CARD8: variants seen among roughly 807,000 people sequenced by gnomAD.
CARD8 encodes the protein caspase recruitment domain family member 8.
In CARD8, 38 loss-of-function variants were observed where a neutral mutation model predicts 53.2. The ratio of observed to expected loss-of-function variants is 0.71; its 90% CI spans 0.55 to 0.94. The LOEUF (loss-of-function observed/expected upper bound fraction) is 0.94, where lower values mean the gene tolerates loss of function less well. Among genes scored for constraint, CARD8 ranks in the 40% least tolerant of loss-of-function variants. The probability of loss-of-function intolerance (pLI) is 0.00; values close to 1 mark genes in which losing one functional copy is unlikely to be tolerated. For synonymous variants in CARD8, 245 were observed against 244.9 expected, an observed-to-expected ratio of 1.00 and a Z score of 0.00; for missense variants, 561 against 655.5, an observed-to-expected ratio of 0.86 and a Z score of 1.57.
At chr19:48,232,330 C>T (rs1426825258) in intron 7 of CARD8, 123 bp downstream of exon 7, 14 of 891,374 alleles carry the variant, frequency 1.6e-5, no homozygotes, top group Non-Finnish European at 2.3e-5. Flanking sequence ...TGCACTGTGG[C>T]AAAGGTAAGG....
At chr19:48,214,733 T>C (rs1035695953) in intron 13 of CARD8, among the ~76,000 whole-genome samples, 2 of 149,626 alleles carry the variant, frequency 1.3e-5, no homozygotes, top group South Asian at 2.1e-4. Context: ...GTCTTCCAAG[T>C]GTACTTTCCT....
At chr19:48,217,325 C>T (rs2039536364) in intron 12 of CARD8, among the ~76,000 whole-genome samples, 1 of 152,170 alleles carries the variant, frequency 6.6e-6, no homozygotes, top group Admixed American at 6.5e-5. Flanking sequence ...TAAAATACAA[C>T]AGCAGCAACA....
At chr19:48,221,968 G>A (rs2040736594) in intron 10 of CARD8, 113 bp from the exon 11 acceptor site, 7 of 749,326 alleles carry the variant, frequency 9.3e-6, no homozygotes, top group East Asian at 2.8e-5. Context: ...TGATTCAATT[G>A]ATATAAAGAT....
chr19:48,231,798 G>A lies in CARD8; in HGVS notation c.404C>T (p.Ser135Leu), dbSNP rs1415988567. ...SEGQDSGDIC[S>L]EENQIVSSYA... Reference sequence around the variant, plus strand: ...AGAGGAAACTATTTGATTCTCTTCTGAGCAAATGTCTCCTGAAAAGAAAAT... The same window carrying A: ...AGAGGAAACTATTTGATTCTCTTCTAAGCAAATGTCTCCTGAAAAGAAAAT... Residue 135 changes from serine to leucine, a missense_variant, in exon 8 of 14, where the codon TCA becomes TTA. Physicochemically the swap from Ser to Leu is moderately radical, Grantham distance 145 (BLOSUM62 -2). Coordinates refer to ENST00000651546, the MANE Select transcript of CARD8 (RefSeq NM_001184900.3). The A allele has an allele frequency of 6.2e-7, 1 of 1,613,700 alleles. No homozygotes were observed. Among genetic ancestry groups the A allele is most frequent in the African/African-American group, 1.3e-5 (1 of 74,890 alleles).
downstream of CARD8, among the ~76,000 whole-genome samples, chr19:48,207,734 G>GTTTTTTTTTTTTTTTTTTTT (rs758903014): frequency 2.1e-4 from 25 of 116,530 alleles, 1 homozygote; most frequent in African/African-American, 7.7e-4. Context: ...TTGTTTTTCT[G>GTTTTTTTTTTTTTTTTTTTT]TTTTTTTTTT....
chr19:48,255,879 T>G lies in CARD8; in HGVS notation c.-339A>C, dbSNP rs12984829. On this transcript the variant is annotated 5_prime_UTR_variant, in exon 1 of 14. Coordinates refer to ENST00000651546, the MANE Select transcript of CARD8 (RefSeq NM_001184900.3). ...AATCCCCTTAGGTCGGTTTCTCTGG[T>G]TCTCAACTTCTTTTGAAATAACGCT... 0.044 allele frequency: 6,624 copies of G among 152,214 alleles called. 256 individuals are homozygous for G. Among genetic ancestry groups the G allele is most frequent in the African/African-American group, 0.1 (4,145 of 41,486 alleles). 9.4% of individuals were successfully genotyped at this position (152,214 alleles called of 1,614,324 possible). A position where few individuals can be genotyped will look rare whatever the true frequency, so the allele number is the denominator to read the frequency against.
chr19:48,214,785 T>C (rs1374782632), intron 13 of CARD8, among the ~76,000 whole-genome samples: 8 of 122,834 alleles, frequency 6.5e-5, no homozygotes, highest in Admixed American at 8.4e-5. Context: ...TTTTTTTTTT[T>C]TTTTTTTTTT....
chr19:48,234,299 C>T lies in CARD8; in HGVS notation c.350+104G>A, dbSNP rs73944113. 0.01 allele frequency: 11,876 copies of T among 1,178,072 alleles called. 622 individuals carry two copies. The African/African-American group carries it at 0.13, about 13-fold the overall frequency. The allele number at this position is 1,178,072 out of a possible 1,614,324, so 73.0% of individuals were successfully genotyped here. On this transcript the variant is annotated intron_variant, in intron 6 of 13. Coordinates refer to ENST00000651546, the MANE Select transcript of CARD8 (RefSeq NM_001184900.3). ...GTATTGCATAAGCTCATTCATTCTC[C>T]CCTGAGTTCGATGAAAAACACCCAA...
chr19:48,226,067 A>G (rs1295523327), intron 10 of CARD8, among the ~76,000 whole-genome samples: 1 of 151,774 alleles, frequency 6.6e-6, no homozygotes, highest in African/African-American at 2.4e-5. Flanking sequence ...AAAAAAAAAA[A>G]AAAAAGCCAT....
Position 48,230,647 on chromosome 19 carries a change from T to TC in CARD8, c.825dup (p.Met276AspfsTer56). On this transcript the variant is annotated frameshift_variant, in exon 10 of 14. Transcript: ENST00000651546. LOFTEE classifies it high-confidence loss of function. The stretch of plus-strand genomic sequence containing the variant: ...ACCCGGGCTGGATGCTCCAGGACCA[T>TC]CCCTTCATTCTTAAAATGGGCAACG... 1 of 1,613,960 alleles carries TC rather than the reference T, an allele frequency of 6.2e-7. No homozygotes were observed. The highest frequency in any genetic ancestry group is 2.2e-5 in the East Asian group (1 of 44,860).
chr19:48,217,487 C>T lies in CARD8; in HGVS notation c.1303+1384G>A, dbSNP rs78741417. The stretch of plus-strand genomic sequence containing the variant: ...AATAATATCACTGCATACAACTTAT[C>T]TTCATATGGGTGCTTTTATGTTATA... On this transcript the variant is annotated intron_variant, in intron 12 of 13. Coordinates refer to ENST00000651546, the MANE Select transcript of CARD8 (RefSeq NM_001184900.3). Among the ~76,000 whole-genome samples, 1,430 of 152,278 alleles carry T rather than the reference C, an allele frequency of 9.4e-3. 23 individuals are homozygous for T. Among genetic ancestry groups the T allele is most frequent in the African/African-American group, 0.032 (1,349 of 41,548 alleles).
rs900959031 is a variant in CARD8, at chr19:48,236,376, T to G, written c.210-1833A>C. 1.1e-4 allele frequency among the ~76,000 whole-genome samples: 17 copies of G among 152,040 alleles called. 1 individual carries two copies. The highest frequency in any genetic ancestry group is 9.7e-4 in the East Asian group (5 of 5,152). On this transcript the variant is annotated intron_variant, in intron 5 of 13. Coordinates refer to ENST00000651546, the MANE Select transcript of CARD8 (RefSeq NM_001184900.3). ...TACAGGCATGCACCAGCACACCCGG[T>G]TAATTTTTTATATTTTTGGTAGAGA...
intron 1 of CARD8, among the ~76,000 whole-genome samples, chr19:48,250,055 T>C (rs1313326643): frequency 6.6e-6 from 1 of 152,218 alleles, no homozygotes; most frequent in Non-Finnish European, 1.5e-5. Context: ...TTTATACCAA[T>C]GTTTGTGTTG....
intron 12 of CARD8, among the ~76,000 whole-genome samples, chr19:48,218,644 G>A (rs775376916): frequency 1.3e-5 from 2 of 152,030 alleles, no homozygotes; most frequent in Non-Finnish European, 2.9e-5. Context: ...ATGAGGCACC[G>A]TATCTGGCCT....
rs368966077 is a variant in CARD8, at chr19:48,234,356, T to C, written c.350+47A>G. The C allele has an allele frequency of 8.0e-5, 126 of 1,566,168 alleles. No homozygotes were observed. The South Asian group carries it at 9.1e-4, about 11-fold the overall frequency. ...CTAATTCTCATGTTCCTCTGTGATA[T>C]TGAGACACAGCGTCCAATAGTTTTC... On this transcript the variant is annotated intron_variant, in intron 6 of 13. Transcript: ENST00000651546.
At chr19:48,234,946 G>A (rs73575112) in intron 5 of CARD8, among the ~76,000 whole-genome samples, 5,766 of 152,206 alleles carry the variant, frequency 0.038, 356 homozygotes, top group African/African-American at 0.12. Flanking sequence ...ATTGGTGCCC[G>A]AGAGAATAGG....
intron 12 of CARD8, 142 bp from the exon 13 acceptor site, chr19:48,215,526 G>A: frequency 1.7e-6 from 1 of 584,122 alleles, no homozygotes; most frequent in Non-Finnish European, 3.1e-6. Flanking sequence ...CTAATACACT[G>A]AGGAAACCCC....
chr19:48,207,732 C>CTTTTTTTTTTTT (rs2037420712), downstream of CARD8, among the ~76,000 whole-genome samples: 5 of 91,270 alleles, frequency 5.5e-5, no homozygotes, highest in African/African-American at 2.2e-4. Flanking sequence ...TGTTGTTTTT[C>CTTTTTTTTTTTT]TGTTTTTTTT....
At chr19:48,212,069 G>C in intron 13 of CARD8, 94 bp from the exon 14 acceptor site, 1 of 1,186,674 alleles carries the variant, frequency 8.4e-7, no homozygotes, top group Non-Finnish European at 1.2e-6. Context: ...AGGGGTGGGA[G>C]ATTGCTCCTT....
Sources: allele counts gnomAD v4.1 joint callset (sites outside exome capture counted in the v4.1 genomes callset), GRCh38; gene constraint gnomAD v4.1.1; transcripts MANE v1.5; gene names NCBI Gene and HGNC (gene_info 2026-07-23, HGNC 2026-07-21).